CSMD2: variants seen among roughly 807,000 people sequenced by gnomAD.
CSMD2 encodes CUB and sushi domain-containing protein 2.
CSMD2 carries 130 observed loss-of-function variants against 398.5 expected under a neutral mutation model. The observed-to-expected ratio is 0.33, with a 90% CI of 0.28 to 0.38. The LOEUF is 0.38. CSMD2 is among the 10% of genes least tolerant of loss of function. The pLI, the probability that CSMD2 is intolerant of heterozygous loss-of-function variation, is 1.00. For missense variants in CSMD2, 3,829 were observed against 4,764.9 expected (o/e 0.80, Z 5.78); for synonymous variants, 1,828 against 1,908.5 (o/e 0.96, Z 1.10).
At chr1:33,689,173 G>A (rs1645154071) in intron 25 of CSMD2, among the ~76,000 whole-genome samples, 1 of 152,110 alleles carries the variant, frequency 6.6e-6, no homozygotes, top group Non-Finnish European at 1.5e-5. Flanking sequence ...AAATACAGCT[G>A]TACGTGTGCA....
At chr1:34,027,894 G>A (rs552409811) in intron 3 of CSMD2, among the ~76,000 whole-genome samples, 19 of 151,482 alleles carry the variant, frequency 1.3e-4, no homozygotes, top group Admixed American at 4.0e-4. Context: ...AGCAGGACAT[G>A]GGCAGACATG....
intron 5 of CSMD2, among the ~76,000 whole-genome samples, chr1:33,871,402 T>C (rs1640452001): frequency 2.0e-5 from 3 of 152,212 alleles, no homozygotes; most frequent in South Asian, 2.1e-4. Context: ...GAACATGTTA[T>C]TGGAAACTAG....
intron 28 of CSMD2, among the ~76,000 whole-genome samples, chr1:33,648,898 A>G (rs540599098): frequency 6.6e-6 from 1 of 152,338 alleles, no homozygotes; most frequent in South Asian, 2.1e-4. Context: ...TTCCGTTAAT[A>G]AAGTAAAAAA....
chr1:34,099,465 C>T (rs1279685870), intron 1 of CSMD2, among the ~76,000 whole-genome samples: 2 of 152,346 alleles, frequency 1.3e-5, no homozygotes, highest in East Asian at 3.9e-4. Flanking sequence ...CAACATTCAC[C>T]ACCATCTCCA....
Position 33,724,659 on chromosome 1 carries a change from A to G in CSMD2, c.2741T>C (p.Val914Ala), listed in dbSNP as rs1029365373. ...SDHCLDPGIP[V>A]NGQRHGNDFY... ...GTCATTCCCATGACGCTGTCCATTT[A>G]CTGGGATTCCTGGATCCAGACAGTG... The change falls in exon 18 of 71, where the codon GTA becomes GCA. Residue 914 changes from valine to alanine, a missense_variant. By Grantham distance (64) the Val-to-Ala change is moderately conservative (BLOSUM62 0). Around this residue, in one of 5 missense-constraint regions of CSMD2, gnomAD observed 2,001 missense variants for 2,567.1 expected, o/e 0.78. Transcript: ENST00000373381. 6.2e-7 allele frequency: 1 copy of G among 1,614,088 alleles called. No homozygotes were observed.
In CSMD2 at chr1:33,739,723, T is replaced by C. The variant is rs561793691; in HGVS notation, c.2174-389A>G. Among the ~76,000 whole-genome samples the C allele has an allele frequency of 2.0e-5, 3 of 152,294 alleles. No homozygotes were observed. In the South Asian group the frequency reaches 6.2e-4, roughly 32 times the overall value. Reference sequence around the variant, plus strand: ...ATCTGTCTCCTCAATGTCAAATCCATTCCAAGATTCCCTAACTTCAGACAG... The same window carrying C: ...ATCTGTCTCCTCAATGTCAAATCCACTCCAAGATTCCCTAACTTCAGACAG... On this transcript the variant is annotated intron_variant, in intron 14 of 70. Coordinates refer to ENST00000373381, the MANE Select transcript of CSMD2 (RefSeq NM_001281956.2).
chr1:33,690,433 CA>C (rs1645198069), intron 25 of CSMD2, among the ~76,000 whole-genome samples: 1 of 152,304 alleles, frequency 6.6e-6, no homozygotes, highest in South Asian at 2.1e-4. Flanking sequence ...CTCATTGTGC[CA>C]CCACCTTGTT....
intron 1 of CSMD2, among the ~76,000 whole-genome samples, chr1:34,132,608 T>C (rs1663476914): frequency 6.6e-6 from 1 of 152,216 alleles, no homozygotes; most frequent in South Asian, 2.1e-4. Context: ...GGAGACTAAA[T>C]AAAACAGATC....
intron 44 of CSMD2, among the ~76,000 whole-genome samples, chr1:33,589,639 C>T (rs1433166817): frequency 1.3e-5 from 2 of 152,124 alleles, no homozygotes; most frequent in Non-Finnish European, 2.9e-5. Context: ...TTCATGATCA[C>T]CCAACAATAT....
At chr1:33,653,616 G>A (rs143190714) in intron 27 of CSMD2, among the ~76,000 whole-genome samples, 1 of 152,280 alleles carries the variant, frequency 6.6e-6, no homozygotes, top group East Asian at 1.9e-4. Flanking sequence ...AGGTGACACA[G>A]CAACCTATTT....
At chr1:33,801,539 C>T (rs1312317342) in intron 10 of CSMD2, among the ~76,000 whole-genome samples, 3 of 152,278 alleles carry the variant, frequency 2.0e-5, no homozygotes, top group South Asian at 2.1e-4. Context: ...GTTCAAATAT[C>T]GCTGAGCTGC....
At chr1:33,776,815 G>T (rs1291502601) in intron 12 of CSMD2, among the ~76,000 whole-genome samples, 1 of 152,102 alleles carries the variant, frequency 6.6e-6, no homozygotes, top group Admixed American at 6.5e-5. Context: ...AGGAGCAGGG[G>T]GCGATGGGGG....
intron 1 of CSMD2, among the ~76,000 whole-genome samples, chr1:34,162,356 T>C (rs1641421945): frequency 6.6e-6 from 1 of 152,040 alleles, no homozygotes; most frequent in Non-Finnish European, 1.5e-5. Flanking sequence ...ACTATTTTAT[T>C]CATTTATCCA....
intron 5 of CSMD2, among the ~76,000 whole-genome samples, chr1:33,852,706 T>A (rs975724598): frequency 4.6e-5 from 7 of 152,234 alleles, no homozygotes; most frequent in African/African-American, 1.7e-4. Context: ...GGAGCTGGAA[T>A]AAAATCTTCT....
intron 2 of CSMD2, among the ~76,000 whole-genome samples, chr1:34,045,106 A>G (rs1167399016): frequency 6.6e-6 from 1 of 151,812 alleles, no homozygotes. Context: ...TTCACTGGTA[A>G]TTCCCCTTTG....
In CSMD2 at chr1:34,110,440, C is replaced by G. The variant is rs1660960587; in HGVS notation, c.188-21247G>C. On this transcript the variant is annotated intron_variant, in intron 1 of 70. Transcript: ENST00000373381. ...CACAAGAGCAAAAACATGGAATCAACCTAAATGTCCATCGATAGTAGGCTG... is the reference window on the plus strand; with the variant it reads ...CACAAGAGCAAAAACATGGAATCAAGCTAAATGTCCATCGATAGTAGGCTG... Among the ~76,000 whole-genome samples, 2 of 151,984 alleles carry G rather than the reference C, an allele frequency of 1.3e-5. 1 individual carries two copies. Among genetic ancestry groups the G allele is most frequent in the South Asian group, 4.2e-4 (2 of 4,818 alleles).
At position 33,743,389 on chromosome 1, in the gene CSMD2, G is replaced by A. The variant is rs752118783; in HGVS notation, c.2064C>T (p.Phe688=). ...TGGAGGAGGGAAGCTGGTTTCCTGA[G>A]AAGGTGCCCAGGACGGGCGCCTCGG... ...ATAEAPVLGT[F]SGNQLPSSIT... The change falls in exon 14 of 71, where the codon TTC becomes TTT. Residue 688 remains phenylalanine, a synonymous_variant. Coordinates refer to ENST00000373381, the MANE Select transcript of CSMD2 (RefSeq NM_001281956.2). 3.1e-6 allele frequency: 5 copies of A among 1,614,232 alleles called. No individual in the cohort carries two copies. In the East Asian group the frequency reaches 1.1e-4, roughly 36 times the overall value.
intron 25 of CSMD2, among the ~76,000 whole-genome samples, chr1:33,692,180 G>C (rs982182989): frequency 3.9e-5 from 6 of 152,342 alleles, no homozygotes; most frequent in Middle Eastern, 3.4e-3. Context: ...GGTAGGCTCT[G>C]TGTTCAGTAA....
At chr1:33,707,971 T>A (rs569204055) in intron 22 of CSMD2, among the ~76,000 whole-genome samples, 1 of 152,318 alleles carries the variant, frequency 6.6e-6, no homozygotes, top group Admixed American at 6.5e-5. Flanking sequence ...GCTAAAAAAA[T>A]TCCTTGGCCT....
Sources: gnomAD v4.1 joint callset for allele counts (sites outside exome capture counted in the v4.1 genomes callset) on GRCh38, gnomAD v4.1.1 for gene constraint, gnomAD v4.1.1 regional missense constraint, MANE v1.5 for transcripts, NCBI Gene and HGNC (gene_info 2026-07-23, HGNC 2026-07-21) for gene names.